Variants in NRXN1 observed in about 807,000 individuals in gnomAD.
NRXN1 encodes the protein neurexin-1.
In NRXN1, 39 loss-of-function variants were observed where a neutral mutation model predicts 150.9. The observed-to-expected ratio is 0.26, with a 90% CI of 0.20 to 0.34. NRXN1 has a LOEUF of 0.34. Among genes scored for constraint, NRXN1 ranks in the 10% least tolerant of loss-of-function variants. The pLI is 1.00. For synonymous variants in NRXN1, 924 were observed against 757.0 expected (o/e 1.22, Z -3.62); for missense variants, 1,815 against 1,949.9 (o/e 0.93, Z 1.30).
intron 22 of NRXN1, among the ~76,000 whole-genome samples, chr2:49,933,704 T>C (rs919715283): frequency 4.6e-5 from 7 of 152,190 alleles, no homozygotes; most frequent in Non-Finnish European, 7.3e-5. Context: ...GCATTCAGTA[T>C]GAAAGTATCT....
chr2:49,980,677 C>A (rs139760555), intron 21 of NRXN1, among the ~76,000 whole-genome samples: 1,924 of 152,102 alleles, frequency 0.013, 47 homozygotes, highest in African/African-American at 0.043. Context: ...ATAGGATGAC[C>A]CTTTTGAACC....
At chr2:50,874,886 G>A (rs545712786) in intron 5 of NRXN1, among the ~76,000 whole-genome samples, 31 of 151,762 alleles carry the variant, frequency 2.0e-4, no homozygotes, top group African/African-American at 5.8e-4. Flanking sequence ...TGTATCTTAC[G>A]AATAAGCATT....
chr2:50,849,365 A>G (rs1056817006), intron 5 of NRXN1, among the ~76,000 whole-genome samples: 6 of 152,066 alleles, frequency 3.9e-5, no homozygotes, highest in African/African-American at 1.4e-4. Flanking sequence ...CAGTTTTACA[A>G]CCCAGGAATG....
At chr2:49,954,952 GC>G (rs1206191677) in intron 21 of NRXN1, among the ~76,000 whole-genome samples, 1 of 152,140 alleles carries the variant, frequency 6.6e-6, no homozygotes, top group East Asian at 1.9e-4. Context: ...CAAAAACCTG[GC>G]TTATATTCTT....
intron 21 of NRXN1, among the ~76,000 whole-genome samples, chr2:49,975,152 G>A (rs1206220821): frequency 6.6e-6 from 1 of 151,048 alleles, no homozygotes; most frequent in Non-Finnish European, 1.5e-5. Context: ...GTCTGACAGG[G>A]TAGGCTATAA....
chr2:50,056,497 C>A (rs1693648291), intron 19 of NRXN1, among the ~76,000 whole-genome samples: 1 of 151,978 alleles, frequency 6.6e-6, no homozygotes, highest in African/African-American at 2.4e-5. Flanking sequence ...ATGTATTTCT[C>A]TGTATTCTGT....
chr2:50,144,686 G>A (rs571663087), intron 18 of NRXN1, among the ~76,000 whole-genome samples: 23 of 151,522 alleles, frequency 1.5e-4, no homozygotes, highest in Admixed American at 2.6e-4. Context: ...CATTAAACAG[G>A]GCCAATAAAA....
chr2:50,840,486 A>G (rs1672713925), intron 5 of NRXN1, among the ~76,000 whole-genome samples: 2 of 152,130 alleles, frequency 1.3e-5, no homozygotes, highest in African/African-American at 4.8e-5. Flanking sequence ...CAGAGAGATT[A>G]TGACAATGAA....
intron 5 of NRXN1, among the ~76,000 whole-genome samples, chr2:50,741,390 C>T (rs1222242735): frequency 1.3e-5 from 2 of 152,122 alleles, no homozygotes; most frequent in African/African-American, 4.8e-5. Context: ...TTTTGTTCTA[C>T]ACATCTGTAT....
chr2:50,883,284 C>T (rs972443793), intron 5 of NRXN1, among the ~76,000 whole-genome samples: 10 of 151,780 alleles, frequency 6.6e-5, no homozygotes, highest in African/African-American at 2.2e-4. Flanking sequence ...AGCTAATTTT[C>T]TCTTTGAACA....
At chr2:50,132,525 T>G (rs1574082857) in intron 18 of NRXN1, among the ~76,000 whole-genome samples, 1 of 152,238 alleles carries the variant, frequency 6.6e-6, no homozygotes, top group East Asian at 1.9e-4. Flanking sequence ...CAGGATGGTC[T>G]TGATCTCTTG....
chr2:50,474,766 C>T (rs1304960882), intron 15 of NRXN1, among the ~76,000 whole-genome samples: 1 of 145,772 alleles, frequency 6.9e-6, no homozygotes, highest in Non-Finnish European at 1.5e-5. Flanking sequence ...CCTCAGTGAG[C>T]ACCTGAGTTG....
Position 50,783,052 on chromosome 2 carries a change from C to T in NRXN1, c.832+138817G>A, listed in dbSNP as rs1003955069. ...CACCGCCCCATTCTGTTATCTGTTA[C>T]GTCTATTTCATATTTGAGACAGATG... On this transcript the variant is annotated intron_variant, in intron 5 of 22. Coordinates refer to ENST00000401669, the MANE Select transcript of NRXN1 (RefSeq NM_001330078.2). Among the ~76,000 whole-genome samples, 9 of 152,046 alleles carry T rather than the reference C, an allele frequency of 5.9e-5. No homozygotes were observed. In the East Asian group the frequency reaches 7.7e-4, roughly 13 times the overall value.
intron 5 of NRXN1, among the ~76,000 whole-genome samples, chr2:50,717,339 C>T (rs929880265): frequency 6.6e-6 from 1 of 152,112 alleles, no homozygotes; most frequent in Non-Finnish European, 1.5e-5. Flanking sequence ...ACATGTACTT[C>T]CTGGTACCCC....
Position 51,028,118 on chromosome 2 carries a change from G to A in NRXN1, c.156C>T (p.Ser52=). The part of the protein sequence containing the change: ...RFPKWNACCE[S]EMSFQLKTRS... Reference sequence around the variant, plus strand: ...GAGTCTTGAGCTGGAAGCTCATCTCGCTCTCGCAGCAGGCGTTCCACTTGG... The same window carrying A: ...GAGTCTTGAGCTGGAAGCTCATCTCACTCTCGCAGCAGGCGTTCCACTTGG... Residue 52 remains serine, a synonymous_variant, in exon 2 of 23, where the codon AGC becomes AGT. Coordinates refer to ENST00000401669, the MANE Select transcript of NRXN1 (RefSeq NM_001330078.2). The A allele has an allele frequency of 3.2e-6, 5 of 1,572,770 alleles. No individual in the cohort carries two copies. The highest frequency in any genetic ancestry group is 1.1e-5 in the South Asian group (1 of 87,886).
chr2:50,764,481 C>T (rs1367281819), intron 5 of NRXN1, among the ~76,000 whole-genome samples: 4 of 152,010 alleles, frequency 2.6e-5, no homozygotes, highest in Non-Finnish European at 4.4e-5. Flanking sequence ...ATGAGTAACA[C>T]ATATTGAATA....
intron 17 of NRXN1, among the ~76,000 whole-genome samples, chr2:50,404,095 C>T (rs1411891165): frequency 6.6e-6 from 1 of 152,086 alleles, no homozygotes; most frequent in Non-Finnish European, 1.5e-5. Flanking sequence ...CTACCACTTA[C>T]CCTAAGCTCC....
At chr2:50,275,657 T>C (rs1052806299) in intron 17 of NRXN1, among the ~76,000 whole-genome samples, 7 of 152,138 alleles carry the variant, frequency 4.6e-5, no homozygotes, top group Non-Finnish European at 7.4e-5. Flanking sequence ...TTAATAATTA[T>C]TGATTCATTG....
chr2:49,964,821 ACAAAAG>A (rs568000745), intron 21 of NRXN1, among the ~76,000 whole-genome samples: 190 of 152,332 alleles, frequency 1.2e-3, no homozygotes, highest in Non-Finnish European at 2.1e-3. Flanking sequence ...AGCCTGGGCA[ACAAAAG>A]CAAAAGTCCA....
Sources: allele counts gnomAD v4.1 joint callset (sites outside exome capture counted in the v4.1 genomes callset), GRCh38; gene constraint gnomAD v4.1.1; transcripts MANE v1.5; gene names NCBI Gene and HGNC (gene_info 2026-07-23, HGNC 2026-07-21).